Variants in IQCM observed in about 807,000 individuals in gnomAD.
IQCM encodes the protein IQ domain-containing protein M.
A neutral mutation model predicts 57.6 loss-of-function variants in IQCM; 45 were observed. The ratio of observed to expected loss-of-function variants is 0.78; its 90% CI spans 0.62 to 1.00. IQCM has a LOEUF of 1.00. Ranked by LOEUF, IQCM falls within the 50% of genes least tolerant of loss-of-function variation. The pLI, the probability that IQCM is intolerant of heterozygous loss-of-function variation, is 0.00. For missense variants in IQCM, 468 were observed against 511.6 expected (o/e 0.91, Z 0.82); for synonymous variants, 148 against 158.9 (o/e 0.93, Z 0.51).
chr4:149,540,586 A>G (rs780346230), intron 12 of IQCM, among the ~76,000 whole-genome samples: 1 of 152,110 alleles, frequency 6.6e-6, no homozygotes, highest in Non-Finnish European at 1.5e-5. Context: ...CTGAAATTAA[A>G]TCTTATGCAT....
chr4:149,656,622 T>C (rs1210424896), intron 7 of IQCM, among the ~76,000 whole-genome samples: 1 of 152,120 alleles, frequency 6.6e-6, no homozygotes, highest in Non-Finnish European at 1.5e-5. Flanking sequence ...CTCCTTCCTT[T>C]CCTTACTTCC....
chr4:149,411,183 C>A (rs1372835079), intron 13 of IQCM, among the ~76,000 whole-genome samples: 1 of 152,036 alleles, frequency 6.6e-6, no homozygotes, highest in Non-Finnish European at 1.5e-5. Context: ...ACTTCACTTT[C>A]AATAGTATTT....
chr4:149,556,485 G>A (rs193086516), intron 10 of IQCM, among the ~76,000 whole-genome samples: 1 of 151,706 alleles, frequency 6.6e-6, no homozygotes, highest in East Asian at 1.9e-4. Flanking sequence ...TTTTAAATTT[G>A]AAAAAAGATT....
At chr4:149,354,131 G>A (rs189359518) in intron 13 of IQCM, among the ~76,000 whole-genome samples, 104 of 151,698 alleles carry the variant, frequency 6.9e-4, no homozygotes, top group African/African-American at 2.2e-3. Context: ...TTGGGAGGCC[G>A]AGGCGGGTGG....
rs148327682 is a variant in IQCM at position 149,384,935 on chromosome 4, T to C, written c.1391-32869A>G. ...GGTGTGTTTGTAATTCAGCTATTAG[T>C]GATTTAGCTTCTTTACTTTAAAAAA... On this transcript the variant is annotated intron_variant, in intron 13 of 13. Transcript: ENST00000636793. Among the ~76,000 whole-genome samples, 560 of 152,210 alleles carry C rather than the reference T, an allele frequency of 3.7e-3. 12 individuals are homozygous for C. The highest frequency in any genetic ancestry group is 0.034 in the Admixed American group (520 of 15,258).
At chr4:149,394,041 T>C (rs950889855) in intron 13 of IQCM, among the ~76,000 whole-genome samples, 2 of 152,034 alleles carry the variant, frequency 1.3e-5, no homozygotes, top group African/African-American at 4.8e-5. Context: ...ATGCATTTCT[T>C]CATTGTGTTC....
intron 2 of IQCM, among the ~76,000 whole-genome samples, chr4:149,746,867 C>A (rs142840317): frequency 6.6e-6 from 1 of 152,234 alleles, no homozygotes; most frequent in Non-Finnish European, 1.5e-5. Context: ...CTTCACTCTG[C>A]GCTCTGTAAC....
chr4:149,374,998 T>TGTGTGTGTGTGTG (rs10699278), intron 13 of IQCM, among the ~76,000 whole-genome samples: 56 of 132,522 alleles, frequency 4.2e-4, no homozygotes, highest in Middle Eastern at 4.3e-3. Flanking sequence ...TGTGTGTGTG[T>TGTGTGTGTGTGTG]TGTGTGTGTG....
chr4:149,778,255 A>T (rs1032699033), intron 2 of IQCM, among the ~76,000 whole-genome samples: 1 of 152,178 alleles, frequency 6.6e-6, no homozygotes, highest in Admixed American at 6.5e-5. Context: ...AGGCGCCTGT[A>T]GTCCCAGCTA....
At chr4:149,587,295 A>G (rs2149998884) in intron 9 of IQCM, among the ~76,000 whole-genome samples, 1 of 151,874 alleles carries the variant, frequency 6.6e-6, no homozygotes, top group South Asian at 2.1e-4. Flanking sequence ...GTGCCTTCAA[A>G]TATTCTTTTT....
intron 13 of IQCM, among the ~76,000 whole-genome samples, chr4:149,416,381 G>T (rs541056539): frequency 8.4e-4 from 128 of 151,968 alleles, no homozygotes; most frequent in Non-Finnish European, 1.6e-3. Flanking sequence ...TTAGAAGTCC[G>T]CATTCATTTG....
intron 12 of IQCM, among the ~76,000 whole-genome samples, chr4:149,504,687 G>A (rs1192624873): frequency 2.0e-5 from 3 of 152,128 alleles, no homozygotes; most frequent in African/African-American, 7.2e-5. Flanking sequence ...GCCGAGGCAG[G>A]TGGCTCACTT....
At chr4:149,629,879 G>T (rs1489011963) in intron 7 of IQCM, among the ~76,000 whole-genome samples, 1 of 148,584 alleles carries the variant, frequency 6.7e-6, no homozygotes, top group African/African-American at 2.5e-5. Flanking sequence ...TTGCAAACGA[G>T]AAAATACAAT....
At chr4:149,535,032 A>G (rs1747145478) in intron 12 of IQCM, among the ~76,000 whole-genome samples, 1 of 152,084 alleles carries the variant, frequency 6.6e-6, no homozygotes. Context: ...TTATTGAGCA[A>G]TGCATAATGT....
chr4:149,735,322 T>C (rs1766835901), intron 4 of IQCM, 54 bp downstream of exon 4: 2 of 844,858 alleles, frequency 2.4e-6, no homozygotes, highest in Non-Finnish European at 3.2e-6. Flanking sequence ...GGGAGAATCC[T>C]TGTAGTATGC....
intron 2 of IQCM, among the ~76,000 whole-genome samples, chr4:149,751,219 G>A (rs1768401205): frequency 6.6e-6 from 1 of 152,200 alleles, no homozygotes; most frequent in Non-Finnish European, 1.5e-5. Flanking sequence ...TGGGTTTCCT[G>A]ATTCCTGATG....
At chr4:149,573,310 T>C (rs1751338328) in intron 9 of IQCM, among the ~76,000 whole-genome samples, 1 of 151,642 alleles carries the variant, frequency 6.6e-6, no homozygotes, top group South Asian at 2.1e-4. Context: ...ACTAAGTGTT[T>C]CTAAATCAGG....
chr4:149,388,881 G>A (rs1290449763), intron 13 of IQCM, among the ~76,000 whole-genome samples: 1 of 150,348 alleles, frequency 6.7e-6, no homozygotes, highest in Non-Finnish European at 1.5e-5. Flanking sequence ...TTGAACACAA[G>A]GCCATTATCA....
At chr4:149,697,933 A>C (rs1419907671) in intron 5 of IQCM, among the ~76,000 whole-genome samples, 1 of 152,054 alleles carries the variant, frequency 6.6e-6, no homozygotes, top group Non-Finnish European at 1.5e-5. Context: ...TTCTCTTTCT[A>C]ACTCACATAT....
Sources: gnomAD v4.1 joint callset for allele counts (sites outside exome capture counted in the v4.1 genomes callset) on GRCh38, gnomAD v4.1.1 for gene constraint, MANE v1.5 for transcripts, NCBI Gene and HGNC (gene_info 2026-07-23, HGNC 2026-07-21) for gene names.